SVOP: variants seen among roughly 807,000 people sequenced by gnomAD.
SVOP encodes the protein synaptic vesicle 2-related protein.
Under a neutral mutation model 69.1 loss-of-function variants are expected in SVOP, and 17 were observed. That is an observed-to-expected ratio of 0.25 (90% confidence interval 0.17 to 0.37). The LOEUF (loss-of-function observed/expected upper bound fraction) is 0.37. Among genes scored for constraint, SVOP ranks in the 10% least tolerant of loss-of-function variants. The pLI is 1.00. For missense variants in SVOP, 435 were observed against 597.5 expected (o/e 0.73, Z 2.84); for synonymous variants, 238 against 238.6 (o/e 1.00, Z 0.02).
chr12:108,968,921 G>A (rs2040062164), intron 5 of SVOP, among the ~76,000 whole-genome samples: 1 of 152,116 alleles, frequency 6.6e-6, no homozygotes, highest in Non-Finnish European at 1.5e-5. Flanking sequence ...AGCCTCCTGA[G>A]TACCTGGCAC....
intron 1 of SVOP, among the ~76,000 whole-genome samples, chr12:109,018,136 C>T (rs200062095): frequency 9.5e-6 from 1 of 104,838 alleles, no homozygotes; most frequent in Non-Finnish European, 2.4e-5. Flanking sequence ...ATGAATGAAT[C>T]GATCAATCAG....
rs574086841 is a variant in SVOP, at chr12:108,909,783, A to G, written c.*2752T>C. The G allele has an allele frequency of 7.8e-4, 119 of 152,326 alleles. No homozygotes were observed. Among genetic ancestry groups the G allele is most frequent in the African/African-American group, 2.7e-3 (111 of 41,576 alleles). 9.4% of individuals were successfully genotyped at this position (152,326 alleles called of 1,614,324 possible). On this transcript the variant is annotated 3_prime_UTR_variant, in exon 16 of 16. Coordinates refer to ENST00000610966, the MANE Select transcript of SVOP (RefSeq NM_018711.5). The stretch of plus-strand genomic sequence containing the variant: ...ACTCTAAGAGAAACATGGCATTTCC[A>G]TTAACGAAAATAGGAGCTTTTTGAA...
chr12:108,915,584 C>T (rs77241006), intron 15 of SVOP, among the ~76,000 whole-genome samples, 199 bp downstream of exon 15: 1 of 152,304 alleles, frequency 6.6e-6, no homozygotes, highest in East Asian at 1.9e-4. Context: ...AGCTGCATGA[C>T]CTTGAGCATG....
chr12:108,923,131 A>G (rs1429557547), intron 11 of SVOP, among the ~76,000 whole-genome samples: 1 of 152,234 alleles, frequency 6.6e-6, no homozygotes, highest in Non-Finnish European at 1.5e-5. Flanking sequence ...GGTGGCCCCC[A>G]TGATCCCCAC....
chr12:108,980,328 G>T (rs2040128715), intron 2 of SVOP, among the ~76,000 whole-genome samples: 1 of 152,218 alleles, frequency 6.6e-6, no homozygotes, highest in Non-Finnish European at 1.5e-5. Context: ...GCACACCAAG[G>T]TTAATTTTTT....
At chr12:108,985,173 G>GCCT (rs1405023425) in intron 1 of SVOP, among the ~76,000 whole-genome samples, 2 of 151,950 alleles carry the variant, frequency 1.3e-5, no homozygotes, top group East Asian at 3.9e-4. Context: ...GCTGCAGTGA[G>GCCT]CCGTGATCAT....
chr12:109,005,789 AG>A (rs1404916749), intron 1 of SVOP, among the ~76,000 whole-genome samples: 1 of 152,116 alleles, frequency 6.6e-6, no homozygotes, highest in Non-Finnish European at 1.5e-5. Context: ...CCACACAAAT[AG>A]GGGAGGAGTA....
rs1427032976 is a variant in SVOP, at chr12:108,912,225, G to T, written c.*310C>A. 9.6e-6 allele frequency: 12 copies of T among 1,245,388 alleles called. No homozygotes were observed. Among genetic ancestry groups the T allele is most frequent in the Non-Finnish European group, 1.2e-5 (12 of 988,318 alleles). The allele number at this position is 1,245,388 out of a possible 1,614,324, so 77.1% of individuals were successfully genotyped here. On this transcript the variant is annotated 3_prime_UTR_variant, in exon 16 of 16. Transcript: ENST00000610966. ...CTGAGGGTTTGGCCGGGTGACTCTG[G>T]GTGGTGTCTGATTGGTTGCTGGCAT... is the stretch of plus-strand genomic sequence containing the variant.
At chr12:108,979,894 G>A (rs965661567) in intron 2 of SVOP, among the ~76,000 whole-genome samples, 50,172 of 152,074 alleles carry the variant, frequency 0.33, 8,789 homozygotes, top group African/African-American at 0.44. Context: ...AAAGACGGCC[G>A]GATGCTGTGG....
At position 108,915,834 on chromosome 12, in the gene SVOP, G is replaced by A. The variant is rs1163045256; in HGVS notation, c.1389C>T (p.Thr463=). 6.2e-7 allele frequency: 1 copy of A among 1,609,174 alleles called. No individual in the cohort carries two copies. Among genetic ancestry groups the A allele is most frequent in the Non-Finnish European group, 8.5e-7 (1 of 1,178,006 alleles). The part of the protein sequence containing the change: ...PTATRALGLG[T]CSGMARVGAL... Reference sequence around the variant, plus strand: ...CACCCACTCTTGCCATGCCGCTGCAGGTGCCCAGGCCGAGGGCCCGCGTTG... The same window carrying A: ...CACCCACTCTTGCCATGCCGCTGCAAGTGCCCAGGCCGAGGGCCCGCGTTG... Residue 463 remains threonine, a synonymous_variant, in exon 15 of 16, where the codon ACC becomes ACT. Coordinates refer to ENST00000610966, the MANE Select transcript of SVOP (RefSeq NM_018711.5).
At chr12:108,928,559 G>T (rs1336745119) in intron 11 of SVOP, among the ~76,000 whole-genome samples, 1 of 136,028 alleles carries the variant, frequency 7.4e-6, no homozygotes, top group Non-Finnish European at 1.6e-5. Context: ...AACCCAGACG[G>T]ATTTTCTGAT....
At chr12:109,004,101 A>C (rs2040290549) in intron 1 of SVOP, among the ~76,000 whole-genome samples, 1 of 152,196 alleles carries the variant, frequency 6.6e-6, no homozygotes, top group Non-Finnish European at 1.5e-5. Context: ...TGTCAACTAC[A>C]TGAGCCAAGA....
intron 2 of SVOP, among the ~76,000 whole-genome samples, chr12:108,982,686 TCATCATCAC>T (rs1345588798): frequency 1.6e-5 from 2 of 124,066 alleles, no homozygotes; most frequent in Non-Finnish European, 3.4e-5. Flanking sequence ...ATCACCATCA[TCATCATCAC>T]CATCATCATC....
Position 108,966,023 on chromosome 12 carries a change from A to T in SVOP, c.454-4976T>A, listed in dbSNP as rs866484046. Among the ~76,000 whole-genome samples, 28 of 131,350 alleles carry T rather than the reference A, an allele frequency of 2.1e-4. 1 individual carries two copies. Among genetic ancestry groups the T allele is most frequent in the Middle Eastern group, 9.4e-3 (2 of 212 alleles). 86.2% of individuals were successfully genotyped at this position (131,350 alleles called of 152,430 possible). On this transcript the variant is annotated intron_variant, in intron 5 of 15. Transcript: ENST00000610966. Reference sequence around the variant, plus strand: ...CTTCCTTTCCTTTCCTTCTTTAGAGATGACATCTTGCTCTGTCACCCAGGC... The same window carrying T: ...CTTCCTTTCCTTTCCTTCTTTAGAGTTGACATCTTGCTCTGTCACCCAGGC...
At chr12:109,012,357 TAAC>T (rs1230421422) in intron 1 of SVOP, among the ~76,000 whole-genome samples, 1 of 151,918 alleles carries the variant, frequency 6.6e-6, no homozygotes, top group Non-Finnish European at 1.5e-5. Context: ...CTATAGTTAA[TAAC>T]AATTTAGAGT....
intron 1 of SVOP, among the ~76,000 whole-genome samples, chr12:109,007,128 G>C (rs2040313432): frequency 1.3e-5 from 2 of 152,176 alleles, no homozygotes; most frequent in African/African-American, 4.8e-5. Context: ...TGGAAGGCAG[G>C]GTTGCAAGAA....
intron 1 of SVOP, among the ~76,000 whole-genome samples, chr12:109,018,885 T>C (rs1281681470): frequency 6.6e-6 from 1 of 152,250 alleles, no homozygotes; most frequent in Non-Finnish European, 1.5e-5. Flanking sequence ...CATTTGATCT[T>C]CACAATAACC....
At chr12:108,978,961 A>T (rs951366412) in intron 2 of SVOP, among the ~76,000 whole-genome samples, 7 of 152,256 alleles carry the variant, frequency 4.6e-5, no homozygotes, top group Admixed American at 2.0e-4. Flanking sequence ...ATGACCCAAC[A>T]GTTAACAAGA....
At chr12:109,003,346 A>G (rs556574906) in intron 1 of SVOP, among the ~76,000 whole-genome samples, 1 of 152,346 alleles carries the variant, frequency 6.6e-6, no homozygotes, top group African/African-American at 2.4e-5. Context: ...AACAACAGCA[A>G]CTATTGACCG....
Sources: gnomAD v4.1 joint callset for allele counts (sites outside exome capture counted in the v4.1 genomes callset) on GRCh38, gnomAD v4.1.1 for gene constraint, MANE v1.5 for transcripts, NCBI Gene and HGNC (gene_info 2026-07-23, HGNC 2026-07-21) for gene names.